The following MAP2K1 variants were observed in gnomAD, a reference collection of about 807,000 sequenced individuals.
MAP2K1 encodes the protein dual specificity mitogen-activated protein kinase kinase 1.
MAP2K1 carries 16 observed loss-of-function variants against 46.3 expected under a neutral mutation model. That is an observed-to-expected ratio of 0.35 (90% CI 0.23 to 0.52). The LOEUF is 0.52. MAP2K1 is among the 20% of genes least tolerant of loss of function. MAP2K1 has a pLI of 0.94. For missense variants in MAP2K1, 263 were observed against 497.1 expected (o/e 0.53, Z 4.48); for synonymous variants, 183 against 185.6 (o/e 0.99, Z 0.11).
At chr15:66,442,652 T>C (rs987211167) in intron 3 of MAP2K1, among the ~76,000 whole-genome samples, 1 of 152,076 alleles carries the variant, frequency 6.6e-6, no homozygotes, top group Non-Finnish European at 1.5e-5. Context: ...TGTGGAGGGA[T>C]TTTCTCTACA....
At chr15:66,390,689 C>T (rs1027592223) in intron 1 of MAP2K1, among the ~76,000 whole-genome samples, 3 of 152,022 alleles carry the variant, frequency 2.0e-5, no homozygotes, top group Non-Finnish European at 4.4e-5. Context: ...TAATATTGTT[C>T]CTCTGTTTAA....
intron 5 of MAP2K1, among the ~76,000 whole-genome samples, chr15:66,466,265 T>G (rs1892462221): frequency 6.6e-6 from 1 of 152,260 alleles, no homozygotes; most frequent in African/African-American, 2.4e-5. Flanking sequence ...ATTGCACATA[T>G]GCAGATAACT....
chr15:66,485,395 G>C (rs950424563), intron 7 of MAP2K1, among the ~76,000 whole-genome samples: 1 of 152,136 alleles, frequency 6.6e-6, no homozygotes, highest in Non-Finnish European at 1.5e-5. Flanking sequence ...TGTTGAGTAC[G>C]TACTATGTTC....
At chr15:66,416,356 C>T (rs1159011562) in intron 1 of MAP2K1, among the ~76,000 whole-genome samples, 1 of 151,750 alleles carries the variant, frequency 6.6e-6, no homozygotes, top group Admixed American at 6.6e-5. Flanking sequence ...ACAATCCCCC[C>T]CAAACACACA....
At chr15:66,438,386 C>T (rs1390902714) in intron 3 of MAP2K1, among the ~76,000 whole-genome samples, 5 of 152,156 alleles carry the variant, frequency 3.3e-5, no homozygotes, top group African/African-American at 1.2e-4. Flanking sequence ...CGTGCCCAAC[C>T]AATCTTTTTA....
intron 1 of MAP2K1, among the ~76,000 whole-genome samples, chr15:66,398,534 C>A (rs1015240308): frequency 1.3e-5 from 2 of 151,972 alleles, no homozygotes; most frequent in African/African-American, 4.8e-5. Flanking sequence ...CACCTGTAAT[C>A]TCAGCCCTTT....
At chr15:66,476,722 C>T (rs921782293) in intron 5 of MAP2K1, among the ~76,000 whole-genome samples, 10 of 152,240 alleles carry the variant, frequency 6.6e-5, no homozygotes, top group African/African-American at 2.4e-4. Context: ...AGGCTCTGTG[C>T]AGGGGCTGTC....
At chr15:66,392,788 G>T (rs1050122587) in intron 1 of MAP2K1, among the ~76,000 whole-genome samples, 1 of 152,040 alleles carries the variant, frequency 6.6e-6, no homozygotes, top group Non-Finnish European at 1.5e-5. Flanking sequence ...CCTGACCTCA[G>T]ATGATCCGCC....
At chr15:66,420,715 A>ATATATATATATATATATATATATATG (rs1174431450) in intron 1 of MAP2K1, among the ~76,000 whole-genome samples, 1 of 33,974 alleles carries the variant, frequency 2.9e-5, no homozygotes. Context: ...GCATATATAT[A>ATATATATATATATATATATATATATG]TATATATGTG....
chr15:66,443,082 A>ATTTTTTTTTTTTTT, intron 3 of MAP2K1, among the ~76,000 whole-genome samples, 198 bp from the exon 4 acceptor site: 1 of 91,062 alleles, frequency 1.1e-5, no homozygotes, highest in Non-Finnish European at 2.0e-5. Context: ...TTGTGTGTGT[A>ATTTTTTTTTTTTTT]TTTTTTTTTT....
chr15:66,437,653 C>T (rs930550176), intron 3 of MAP2K1, among the ~76,000 whole-genome samples: 3 of 152,130 alleles, frequency 2.0e-5, no homozygotes, highest in Non-Finnish European at 1.5e-5. Context: ...GAATAGGGAT[C>T]CTGGTGTGCA....
intron 3 of MAP2K1, among the ~76,000 whole-genome samples, chr15:66,438,416 T>C (rs1365327364): frequency 6.6e-6 from 1 of 152,232 alleles, no homozygotes; most frequent in Non-Finnish European, 1.5e-5. Flanking sequence ...CATTGACCTC[T>C]TTTGAGATAC....
At position 66,443,283 on chromosome 15, in the gene MAP2K1, G is replaced by A. The variant is rs2140597862; in HGVS notation, c.442G>A (p.Gly148Arg). Residue 148 changes from glycine (G) to arginine (R), a missense_variant, in exon 4 of 11, where the codon GGA becomes AGA. By Grantham distance (125) the Gly-to-Arg change is moderately radical. Around this residue, in one of 4 missense-constraint regions of MAP2K1, gnomAD observed 103 missense variants for 221.6 expected, o/e 0.46. Transcript: ENST00000307102. Reference sequence around the variant, plus strand: ...GGTCTGGTATTCTCGATCTTAGGATGGAGGTTCTCTGGATCAAGTCCTGAA... The same window carrying A: ...GGTCTGGTATTCTCGATCTTAGGATAGAGGTTCTCTGGATCAAGTCCTGAA... ...EISICMEHMDGGSLDQVLKKA... is the reference protein window; with the variant it reads ...EISICMEHMDRGSLDQVLKKA... 6.2e-7 allele frequency: 1 copy of A among 1,603,904 alleles called. No homozygotes were observed.
intron 5 of MAP2K1, among the ~76,000 whole-genome samples, chr15:66,459,286 G>T (rs1414166074): frequency 2.3e-5 from 3 of 129,854 alleles, no homozygotes; most frequent in African/African-American, 8.8e-5. Context: ...ACTCCAGCTT[G>T]GCAACAGAAC....
chr15:66,399,902 A>G (rs1417276443), intron 1 of MAP2K1, among the ~76,000 whole-genome samples: 1 of 151,516 alleles, frequency 6.6e-6, no homozygotes, highest in Non-Finnish European at 1.5e-5. Context: ...GCTATCGCCC[A>G]GCTGTTTTTG....
At chr15:66,483,867 C>A (rs1892973346) in intron 6 of MAP2K1, among the ~76,000 whole-genome samples, 1 of 151,162 alleles carries the variant, frequency 6.6e-6, no homozygotes, top group South Asian at 2.1e-4. Flanking sequence ...CCTGCCTCAT[C>A]CTCCCGAGTA....
intron 1 of MAP2K1, among the ~76,000 whole-genome samples, chr15:66,397,889 C>G (rs1212151724): frequency 2.0e-5 from 3 of 152,022 alleles, no homozygotes; most frequent in South Asian, 2.1e-4. Flanking sequence ...AGATCACGAG[C>G]TCAGGAGTTC....
At chr15:66,395,481 A>G (rs1013880606) in intron 1 of MAP2K1, among the ~76,000 whole-genome samples, 1 of 150,344 alleles carries the variant, frequency 6.7e-6, no homozygotes, top group Admixed American at 6.6e-5. Context: ...CTGTGCCACC[A>G]GCATACTGTT....
At chr15:66,442,507 C>T (rs1179512025) in intron 3 of MAP2K1, among the ~76,000 whole-genome samples, 1 of 152,124 alleles carries the variant, frequency 6.6e-6, no homozygotes. Context: ...ATTACTTCTC[C>T]CTTCTTCTGC....
Sources: gnomAD v4.1 joint callset for allele counts (sites outside exome capture counted in the v4.1 genomes callset) on GRCh38, gnomAD v4.1.1 for gene constraint, gnomAD v4.1.1 regional missense constraint, MANE v1.5 for transcripts, NCBI Gene and HGNC (gene_info 2026-07-23, HGNC 2026-07-21) for gene names.